Variants in ADGRE3 observed in about 807,000 individuals in gnomAD.
ADGRE3 encodes adhesion G protein-coupled receptor E3, also known as EGF-like module receptor 3.
In ADGRE3, 88 loss-of-function variants were observed where a neutral mutation model predicts 80.1. That is an observed-to-expected ratio of 1.10 (90% confidence interval 0.93 to 1.31). ADGRE3 has a LOEUF of 1.31. Among genes scored for constraint, ADGRE3 ranks in the 40% most tolerant of loss-of-function variants. ADGRE3 has a pLI of 0.00. For synonymous variants in ADGRE3, 281 were observed against 294.8 expected (o/e 0.95, Z 0.48); for missense variants, 715 against 776.5 (o/e 0.92, Z 0.94).
chr19:14,620,549 T>TATAATAA (rs1970556872), intron 15 of ADGRE3, among the ~76,000 whole-genome samples: 1 of 2,556 alleles, frequency 3.9e-4, no homozygotes, highest in Non-Finnish European at 6.4e-4. Context: ...ATATATATAT[T>TATAATAA]ATATATATAT....
intron 5 of ADGRE3, among the ~76,000 whole-genome samples, chr19:14,656,820 G>A (rs769558174): frequency 6.6e-6 from 1 of 152,124 alleles, no homozygotes; most frequent in Non-Finnish European, 1.5e-5. Flanking sequence ...TTCATTAAAA[G>A]GAAAACCTCA....
chr19:14,610,253 C>T, the ADGRE3 span: 3 of 1,539,056 alleles, frequency 1.9e-6, no homozygotes, highest in Non-Finnish European at 2.6e-6. Context: ...ATGAGAATCT[C>T]CTGCCCTTTC....
chr19:14,613,459 G>A, the ADGRE3 span, among the ~76,000 whole-genome samples: 1 of 148,606 alleles, frequency 6.7e-6, no homozygotes, highest in African/African-American at 2.5e-5. Context: ...TTAAACTCCT[G>A]GTCTCAAACA....
At chr19:14,648,327 T>G (rs1189772602) in intron 7 of ADGRE3, among the ~76,000 whole-genome samples, 1 of 152,114 alleles carries the variant, frequency 6.6e-6, no homozygotes, top group African/African-American at 2.4e-5. Context: ...CGTGAATTTG[T>G]GTTTGGCCTG....
chr19:14,640,024 C>T (rs905954609), intron 10 of ADGRE3, among the ~76,000 whole-genome samples: 1 of 152,132 alleles, frequency 6.6e-6, no homozygotes, highest in African/African-American at 2.4e-5. Flanking sequence ...AACCATTCCC[C>T]TCTTTGGTTT....
Position 14,651,105 on chromosome 19 carries a change from A to T in ADGRE3, c.677T>A (p.Ile226Asn), listed in dbSNP as rs1326113654. 6.2e-7 allele frequency: 1 copy of T among 1,614,088 alleles called. No individual in the cohort carries two copies. Among genetic ancestry groups the T allele is most frequent in the Non-Finnish European group, 8.5e-7 (1 of 1,179,986 alleles). ...MNSMDIRCSD[I>N]IQGDTQGPSA... ...CATACCTTGTGTGTCTCCCTGGATG[A>T]TGTCACTGCAACGGATGTCCATTGA... The change falls in exon 7 of 16, where the codon ATC (isoleucine) becomes AAC (asparagine). Residue 226 changes from isoleucine (I) to asparagine (N), a missense_variant. Ile to Asn is a moderately radical substitution (Grantham distance 149, BLOSUM62 -3). Transcript: ENST00000253673.
At position 14,629,977 on chromosome 19, in the gene ADGRE3, A is replaced by G. The variant is rs1970833020; in HGVS notation, c.1812+62T>C. 3.4e-6 allele frequency: 4 copies of G among 1,169,214 alleles called. No homozygotes were observed. The East Asian group carries it at 9.4e-5, about 28-fold the overall frequency. 72.4% of individuals were successfully genotyped at this position (1,169,214 alleles called of 1,614,324 possible). Reference sequence around the variant, plus strand: ...TTAGAGAATGTCAACTTAAATCCCCATTGAACTCCATTTCCAAAATTTTCT... The same window carrying G: ...TTAGAGAATGTCAACTTAAATCCCCGTTGAACTCCATTTCCAAAATTTTCT... On this transcript the variant is annotated intron_variant, in intron 14 of 15. Transcript: ENST00000253673.
chr19:14,629,305 T>C (rs1014165032), intron 14 of ADGRE3, among the ~76,000 whole-genome samples: 2 of 152,114 alleles, frequency 1.3e-5, no homozygotes, highest in South Asian at 4.1e-4. Flanking sequence ...GTAAATAAAA[T>C]AGTAGTTGGA....
At chr19:14,653,302 A>T (rs549455418) in intron 6 of ADGRE3, among the ~76,000 whole-genome samples, 130 of 152,088 alleles carry the variant, frequency 8.5e-4, no homozygotes, top group Non-Finnish European at 1.5e-3. Context: ...ATCATCCATT[A>T]TATTATCGCT....
intron 14 of ADGRE3, among the ~76,000 whole-genome samples, chr19:14,628,114 G>A (rs1970781796): frequency 1.3e-5 from 2 of 151,696 alleles, no homozygotes; most frequent in Non-Finnish European, 2.9e-5. Flanking sequence ...GGCAACAAGA[G>A]CCAAACTCTG....
chr19:14,637,359 A>C (rs1459058219), intron 11 of ADGRE3, among the ~76,000 whole-genome samples: 1 of 149,458 alleles, frequency 6.7e-6, no homozygotes, highest in Non-Finnish European at 1.5e-5. Context: ...GTCTTCTCTC[A>C]TCTTCTCGCT....
the ADGRE3 span, among the ~76,000 whole-genome samples, chr19:14,607,359 A>T: frequency 7.5e-6 from 1 of 134,030 alleles, no homozygotes; most frequent in Non-Finnish European, 1.7e-5. Flanking sequence ...GCCCATCACC[A>T]TGCCCGGCTA....
In ADGRE3 at chr19:14,619,394, A is replaced by G; in HGVS notation, c.*39T>C. 1 of 1,382,116 alleles carries G rather than the reference A, an allele frequency of 7.2e-7. No individual in the cohort carries two copies. Among genetic ancestry groups the G allele is most frequent in the Non-Finnish European group, 1.0e-6 (1 of 970,526 alleles). The allele number at this position is 1,382,116 out of a possible 1,614,324, so 85.6% of individuals were successfully genotyped here. On this transcript the variant is annotated 3_prime_UTR_variant, in exon 16 of 16. Coordinates refer to ENST00000253673, the MANE Select transcript of ADGRE3 (RefSeq NM_032571.5). The stretch of plus-strand genomic sequence containing the variant: ...ATTCTTCATAATGCCAAAGAGATCC[A>G]TGGATATGATTTTCCATATGGAGTT...
At chr19:14,660,539 G>T (rs1971916727) in intron 4 of ADGRE3, among the ~76,000 whole-genome samples, 1 of 151,854 alleles carries the variant, frequency 6.6e-6, no homozygotes, top group Non-Finnish European at 1.5e-5. Flanking sequence ...GAGGTGGGAG[G>T]ATTGAGCCTG....
chr19:14,631,663 T>C (rs1478539699), intron 13 of ADGRE3, among the ~76,000 whole-genome samples: 1 of 151,964 alleles, frequency 6.6e-6, no homozygotes, highest in Non-Finnish European at 1.5e-5. Flanking sequence ...ATAATATCTA[T>C]ATTACATGCA....
At chr19:14,625,731 A>G (rs1970721771) in intron 14 of ADGRE3, 132 bp from the exon 15 acceptor site, 1 of 628,010 alleles carries the variant, frequency 1.6e-6, no homozygotes, top group Non-Finnish European at 2.9e-6. Context: ...CTATTCGTAC[A>G]ATGGAATATT....
intron 14 of ADGRE3, among the ~76,000 whole-genome samples, chr19:14,628,335 G>A (rs1970787731): frequency 1.4e-5 from 2 of 145,598 alleles, no homozygotes; most frequent in African/African-American, 2.6e-5. Flanking sequence ...CCAGGTACTC[G>A]GGAGGTGGAG....
intron 15 of ADGRE3, among the ~76,000 whole-genome samples, chr19:14,620,501 A>G (rs1306592231): frequency 6.0e-5 from 3 of 49,614 alleles, no homozygotes; most frequent in African/African-American, 1.3e-4. Context: ...ATATGAATAT[A>G]TGAATATATT....
At chr19:14,602,994 C>T in the ADGRE3 span, among the ~76,000 whole-genome samples, 12 of 152,282 alleles carry the variant, frequency 7.9e-5, no homozygotes, top group Non-Finnish European at 1.2e-4. Context: ...CTTGGCCTCC[C>T]AAAGTACTGG....
Sources: allele counts gnomAD v4.1 joint callset (sites outside exome capture counted in the v4.1 genomes callset), GRCh38; gene constraint gnomAD v4.1.1; transcripts MANE v1.5; gene names NCBI Gene and HGNC (gene_info 2026-07-23, HGNC 2026-07-21).